PAPOLG: variants seen among roughly 807,000 people sequenced by gnomAD.
PAPOLG encodes poly(A) polymerase gamma, also known as PAP-gamma.
A neutral mutation model predicts 99.0 loss-of-function variants in PAPOLG; 40 were observed. That is an observed-to-expected ratio of 0.40 (90% CI 0.31 to 0.53). PAPOLG has a LOEUF of 0.53. PAPOLG is among the 20% of genes least tolerant of loss of function. The pLI, the probability that PAPOLG is intolerant of heterozygous loss-of-function variation, is 0.41. For synonymous variants in PAPOLG, 310 were observed against 299.3 expected (o/e 1.04, Z -0.37); for missense variants, 675 against 884.1 (o/e 0.76, Z 3.00).
chr2:60,760,734 G>A (rs1243425756), intron 2 of PAPOLG, among the ~76,000 whole-genome samples: 1 of 152,226 alleles, frequency 6.6e-6, no homozygotes, highest in African/African-American at 2.4e-5. Flanking sequence ...TAGGCTTAAT[G>A]AAAGCAAGGT....
intron 15 of PAPOLG, among the ~76,000 whole-genome samples, chr2:60,790,762 G>C (rs1671507183): frequency 6.6e-6 from 1 of 152,204 alleles, no homozygotes; most frequent in Non-Finnish European, 1.5e-5. Flanking sequence ...GAGGAGGATA[G>C]CTTGAATTGC....
At chr2:60,774,931 A>G in intron 7 of PAPOLG, 103 bp from the exon 8 acceptor site, 1 of 1,520,876 alleles carries the variant, frequency 6.6e-7, no homozygotes, top group South Asian at 1.3e-5. Flanking sequence ...ATGTTTTATT[A>G]TCTTTCATAT....
Position 60,787,640 on chromosome 2 carries a change from G to C in PAPOLG, c.1396+20G>C. 6.2e-7 allele frequency: 1 copy of C among 1,609,486 alleles called. No homozygotes were observed. Among genetic ancestry groups the C allele is most frequent in the Non-Finnish European group, 8.5e-7 (1 of 1,177,866 alleles). The stretch of plus-strand genomic sequence containing the variant: ...ATACAGGTAAGACTCCATCATCATA[G>C]AGCTGTGATTCTCAAACCTGGCTAT... On this transcript the variant is annotated intron_variant, in intron 15 of 21. Coordinates refer to ENST00000238714, the MANE Select transcript of PAPOLG (RefSeq NM_022894.4).
rs145884357 is a variant in PAPOLG, at chr2:60,792,150, C to G, written c.1540C>G (p.Arg514Gly). ...KKKQSLSDVN[R>G]SSGGLQSKRL... Reference sequence around the variant, plus strand: ...TCAGCAAAGTCTCTCTGATGTCAATCGAAGCTCGGGCGGACTTCAATCCAA... The same window carrying G: ...TCAGCAAAGTCTCTCTGATGTCAATGGAAGCTCGGGCGGACTTCAATCCAA... Residue 514 changes from arginine to glycine, a missense_variant, in exon 17 of 22, where the codon CGA becomes GGA. Arg to Gly is a moderately radical substitution (Grantham distance 125, BLOSUM62 -2). Transcript: ENST00000238714. 1.9e-6 allele frequency: 3 copies of G among 1,588,444 alleles called. No individual in the cohort carries two copies. Among genetic ancestry groups the G allele is most frequent in the South Asian group, 1.2e-5 (1 of 85,832 alleles).
At chr2:60,771,022 T>A (rs904854332) in intron 6 of PAPOLG, among the ~76,000 whole-genome samples, 2 of 152,142 alleles carry the variant, frequency 1.3e-5, no homozygotes, top group East Asian at 3.8e-4. Flanking sequence ...TTCCTAGATA[T>A]GACATTTTTA....
chr2:60,773,741 C>A (rs1670927471), intron 7 of PAPOLG, among the ~76,000 whole-genome samples: 1 of 149,532 alleles, frequency 6.7e-6, no homozygotes, highest in South Asian at 2.1e-4. Flanking sequence ...CCAGTCTCAA[C>A]AGAAAAGTAT....
Position 60,799,997 on chromosome 2 carries a change from A to G in PAPOLG, c.*2837A>G, listed in dbSNP as rs962095356. ...AGTCAAATAATCTGTTCTTCAGTAT[A>G]TAGACACATGTTCATTTTCACAAGG... On this transcript the variant is annotated 3_prime_UTR_variant, in exon 22 of 22. Transcript: ENST00000238714. 2.6e-5 allele frequency: 4 copies of G among 152,330 alleles called. No homozygotes were observed. Among genetic ancestry groups the G allele is most frequent in the Non-Finnish European group, 4.4e-5 (3 of 68,042 alleles). The allele number at this position is 152,330 out of a possible 1,614,324, so 9.4% of individuals were successfully genotyped here.
chr2:60,769,727 G>T (rs759825306), intron 5 of PAPOLG, among the ~76,000 whole-genome samples: 4 of 152,080 alleles, frequency 2.6e-5, no homozygotes, highest in Non-Finnish European at 5.9e-5. Context: ...TAAGTACCCA[G>T]ATGATAGCAG....
intron 21 of PAPOLG, chr2:60,795,432 G>A: frequency 9.3e-6 from 3 of 323,338 alleles, no homozygotes; most frequent in South Asian, 2.5e-5. Flanking sequence ...CAAATGTAGT[G>A]GTATATATAG....
At chr2:60,785,161 T>C (rs1352396067) in intron 13 of PAPOLG, among the ~76,000 whole-genome samples, 1 of 152,104 alleles carries the variant, frequency 6.6e-6, no homozygotes, top group East Asian at 1.9e-4. Context: ...TTTTTTGATA[T>C]GGAGTCTTGC....
chr2:60,772,003 T>C (rs899351536), intron 7 of PAPOLG, among the ~76,000 whole-genome samples: 2 of 152,086 alleles, frequency 1.3e-5, no homozygotes, highest in Non-Finnish European at 2.9e-5. Flanking sequence ...CCATTTTAAA[T>C]TAATATAAAC....
intron 3 of PAPOLG, among the ~76,000 whole-genome samples, chr2:60,764,207 G>A (rs191473468): frequency 2.6e-4 from 40 of 152,284 alleles, no homozygotes; most frequent in African/African-American, 8.9e-4. Context: ...GATACCATTT[G>A]CCTCATCACT....
intron 21 of PAPOLG, chr2:60,795,433 G>T: frequency 3.1e-6 from 1 of 323,970 alleles, no homozygotes; most frequent in Non-Finnish European, 6.2e-6. Context: ...AAATGTAGTG[G>T]TATATATAGT....
At chr2:60,760,042 C>A in intron 1 of PAPOLG, 92 bp from the exon 2 acceptor site, 1 of 1,308,102 alleles carries the variant, frequency 7.6e-7, no homozygotes, top group South Asian at 1.4e-5. Context: ...TTTAAGGTAG[C>A]TAAATTAACA....
At chr2:60,781,786 A>G (rs1671197270) in intron 10 of PAPOLG, 99 bp from the exon 11 acceptor site, 1 of 1,489,472 alleles carries the variant, frequency 6.7e-7, no homozygotes, top group Non-Finnish European at 9.2e-7. Context: ...GAAATGTAGT[A>G]TTAAATTTAT....
At chr2:60,758,119 T>G (rs1573212509) in intron 1 of PAPOLG, among the ~76,000 whole-genome samples, 3 of 152,210 alleles carry the variant, frequency 2.0e-5, no homozygotes, top group Admixed American at 6.5e-5. Context: ...TATATAGATA[T>G]GTAGATAATT....
chr2:60,760,074 T>G, intron 1 of PAPOLG, 60 bp from the exon 2 acceptor site: 1 of 1,481,784 alleles, frequency 6.7e-7, no homozygotes. Flanking sequence ...AGAGATTCAG[T>G]GTATCAGTAT....
intron 19 of PAPOLG, 52 bp from the exon 20 acceptor site, chr2:60,794,658 A>G: frequency 6.8e-7 from 1 of 1,461,964 alleles, no homozygotes; most frequent in Non-Finnish European, 9.5e-7. Flanking sequence ...ATAGATTTAT[A>G]TGGGTTTTTG....
In PAPOLG at chr2:60,756,391, G is replaced by A. The variant is rs1442500308; in HGVS notation, c.-88G>A. 3.2e-6 allele frequency: 5 copies of A among 1,574,328 alleles called. No homozygotes were observed. In the African/African-American group the frequency reaches 6.7e-5, roughly 21 times the overall value. Reference sequence around the variant, plus strand: ...GCGAGCAAGCGAGCTACTAGCGACCGGAGGAAAGTGAACAGGGGGAGAAGG... The same window carrying A: ...GCGAGCAAGCGAGCTACTAGCGACCAGAGGAAAGTGAACAGGGGGAGAAGG... On this transcript the variant is annotated 5_prime_UTR_variant, in exon 1 of 22. Coordinates refer to ENST00000238714, the MANE Select transcript of PAPOLG (RefSeq NM_022894.4).
Sources: gnomAD v4.1 joint callset for allele counts (sites outside exome capture counted in the v4.1 genomes callset) on GRCh38, gnomAD v4.1.1 for gene constraint, MANE v1.5 for transcripts, NCBI Gene and HGNC (gene_info 2026-07-23, HGNC 2026-07-21) for gene names.